Variants in JAK2 observed in about 807,000 individuals in gnomAD.
JAK2 encodes the protein tyrosine-protein kinase JAK2.
Under a neutral mutation model 139.3 loss-of-function variants are expected in JAK2, and 86 were observed. The observed-to-expected ratio is 0.62, with a 90% CI of 0.52 to 0.74. The LOEUF is 0.74. Among genes scored for constraint, JAK2 ranks in the 30% least tolerant of loss-of-function variants. The pLI, the probability that JAK2 is intolerant of heterozygous loss-of-function variation, is 0.00. For synonymous variants in JAK2, 490 were observed against 437.7 expected (o/e 1.12, Z -1.49); for missense variants, 1,421 against 1,360.3 (o/e 1.04, Z -0.70).
intron 22 of JAK2, chr9:5,108,256 C>A (rs1822137772): frequency 6.6e-6 from 1 of 152,046 alleles, no homozygotes; most frequent in Non-Finnish European, 1.5e-5. Flanking sequence ...TTCACAGCCA[C>A]AGAACTAATT....
In JAK2 at chr9:5,054,709, A is replaced by T. The variant is rs2130409127; in HGVS notation, c.761A>T (p.Tyr254Phe). Residue 254 changes from tyrosine (Y) to phenylalanine (F), a missense_variant, in exon 7 of 25, where the codon TAT (tyrosine) becomes TTT (phenylalanine). Tyr to Phe is a conservative substitution (Grantham distance 22). Transcript: ENST00000381652. The surrounding 1 kb of genome is among the most constrained non-coding windows in gnomAD (Gnocchi z 4.9). ...KATARNLKLK[Y>F]LINLETLQSA... ...ACTGCCAGAAACTTGAAACTTAAGT[A>T]TCTTATAAATCTGGAAACTCTGCAG... 1.9e-6 allele frequency: 3 copies of T among 1,613,388 alleles called. No homozygotes were observed. Among genetic ancestry groups the T allele is most frequent in the Non-Finnish European group, 2.5e-6 (3 of 1,179,456 alleles).
chr9:4,999,798 A>G lies in JAK2; in HGVS notation c.-26+13776A>G, dbSNP rs192640729. 2.9e-4 allele frequency among the ~76,000 whole-genome samples: 44 copies of G among 152,344 alleles called. 1 individual carries two copies. The highest frequency in any genetic ancestry group is 1.0e-3 in the African/African-American group (42 of 41,582). ...GTATTCTGTTGGCTAAGTTGCCACAATTTATCAGACCCCTTTAATGTCATT... is the reference window on the plus strand; with the variant it reads ...GTATTCTGTTGGCTAAGTTGCCACAGTTTATCAGACCCCTTTAATGTCATT... On this transcript the variant is annotated intron_variant, in intron 2 of 24. Coordinates refer to ENST00000381652, the MANE Select transcript of JAK2 (RefSeq NM_004972.4).
At chr9:5,035,251 A>C (rs1823491087) in intron 4 of JAK2, among the ~76,000 whole-genome samples, 1 of 152,258 alleles carries the variant, frequency 6.6e-6, no homozygotes, top group African/African-American at 2.4e-5. Context: ...ATAGTTTACC[A>C]ACCAAAAAAA....
At chr9:5,074,618 T>C (rs1301941040) in intron 14 of JAK2, among the ~76,000 whole-genome samples, 1 of 152,226 alleles carries the variant, frequency 6.6e-6, no homozygotes, top group African/African-American at 2.4e-5. Flanking sequence ...GCCATTCCTC[T>C]GTCTCTCTCC....
chr9:4,998,730 A>G (rs955045584), intron 2 of JAK2, among the ~76,000 whole-genome samples: 2 of 143,216 alleles, frequency 1.4e-5, no homozygotes, highest in Admixed American at 7.1e-5. Flanking sequence ...AAGACCAAAA[A>G]CCACAAAAAA....
chr9:5,054,313 A>C lies in JAK2; in HGVS notation c.615-250A>C, dbSNP rs547952638. Among the ~76,000 whole-genome samples, 64 of 152,184 alleles carry C rather than the reference A, an allele frequency of 4.2e-4. No homozygotes were observed. Among genetic ancestry groups the C allele is most frequent in the Non-Finnish European group, 7.1e-4 (48 of 67,918 alleles). ...ACTGAGGATTCATTTCATTAGGGGA[A>C]GAAGATTAACATCTTCTTTTGTAAA... On this transcript the variant is annotated intron_variant, in intron 6 of 24. Coordinates refer to ENST00000381652, the MANE Select transcript of JAK2 (RefSeq NM_004972.4). This position sits in a 1 kb window ranked among gnomAD's most constrained non-coding sequence, Gnocchi z 4.9.
chr9:5,041,363 A>G, intron 4 of JAK2: 1 of 629,194 alleles, frequency 1.6e-6, no homozygotes, highest in South Asian at 1.7e-5. Flanking sequence ...CATGAGCATC[A>G]ACATGCACCT....
intron 4 of JAK2, among the ~76,000 whole-genome samples, chr9:5,031,926 G>A (rs1823181648): frequency 1.3e-5 from 2 of 152,208 alleles, no homozygotes. Flanking sequence ...GACAGTGGGT[G>A]CAGCACACTG....
At chr9:5,121,374 A>G (rs566111262) in intron 22 of JAK2, among the ~76,000 whole-genome samples, 77 of 152,302 alleles carry the variant, frequency 5.1e-4, no homozygotes, top group Non-Finnish European at 8.7e-4. Context: ...TGACAGCACT[A>G]TTTGCCACAT....
chr9:5,068,208 A>T (rs192457170), intron 10 of JAK2, among the ~76,000 whole-genome samples: 13 of 152,096 alleles, frequency 8.5e-5, no homozygotes, highest in Admixed American at 7.9e-4. Context: ...GTTATTTGGC[A>T]TAGGAAGAAC....
intron 6 of JAK2, 106 bp downstream of exon 6, chr9:5,050,937 T>A (rs1817373259): frequency 1.1e-6 from 1 of 896,146 alleles, no homozygotes. Context: ...GTAATACTAG[T>A]TAAGTACTCC....
rs190952929 is a variant in JAK2 at position 5,011,326 on chromosome 9, C to T, written c.-25-10637C>T. ...TCAGCCTCCCAAGTAGCTGGGACTACGGGCACAGAGCACCATGCCCAGCAA... is the reference window on the plus strand; with the variant it reads ...TCAGCCTCCCAAGTAGCTGGGACTATGGGCACAGAGCACCATGCCCAGCAA... On this transcript the variant is annotated intron_variant, in intron 2 of 24. Transcript: ENST00000381652. Among the ~76,000 whole-genome samples the T allele has an allele frequency of 5.5e-4, 84 of 152,164 alleles. 1 individual carries two copies. In the Middle Eastern group the frequency reaches 0.014, roughly 25 times the overall value.
intron 4 of JAK2, among the ~76,000 whole-genome samples, chr9:5,036,548 A>C (rs1002828502): frequency 1.3e-5 from 2 of 152,218 alleles, no homozygotes; most frequent in Non-Finnish European, 2.9e-5. Flanking sequence ...AATGGAAAGA[A>C]ATAATGCTAC....
chr9:5,004,074 A>C (rs1354422326), intron 2 of JAK2, among the ~76,000 whole-genome samples: 2 of 152,188 alleles, frequency 1.3e-5, no homozygotes, highest in Non-Finnish European at 2.9e-5. Context: ...ATATGTATAC[A>C]TTGCAGAATG....
chr9:4,996,087 C>T (rs1820543545), intron 2 of JAK2, among the ~76,000 whole-genome samples: 1 of 152,158 alleles, frequency 6.6e-6, no homozygotes, highest in Admixed American at 6.6e-5. Flanking sequence ...GTTCATTTAA[C>T]ATTGAATTAT....
intron 3 of JAK2, among the ~76,000 whole-genome samples, chr9:5,025,260 A>G (rs1016268518): frequency 1.3e-5 from 2 of 152,054 alleles, no homozygotes; most frequent in Non-Finnish European, 2.9e-5. Flanking sequence ...TTTTCTATCT[A>G]TATTGGTGAG....
chr9:5,021,014 C>T (rs1323535298), intron 2 of JAK2, among the ~76,000 whole-genome samples: 1 of 152,284 alleles, frequency 6.6e-6, no homozygotes, highest in East Asian at 1.9e-4. Flanking sequence ...CCCTATGTTA[C>T]TCCCAGGGCC....
At chr9:5,110,981 T>C (rs1354316160) in intron 22 of JAK2, 4 of 630,872 alleles carry the variant, frequency 6.3e-6, no homozygotes, top group Non-Finnish European at 1.2e-5. Flanking sequence ...GACTTCAGCA[T>C]GATGTTCCCG....
At chr9:5,100,014 A>G (rs1821344273) in intron 22 of JAK2, 1 of 152,224 alleles carries the variant, frequency 6.6e-6, no homozygotes, top group Non-Finnish European at 1.5e-5. Flanking sequence ...TTATTCAACC[A>G]ATAGCATTAG....
Sources: gnomAD v4.1 joint callset for allele counts (sites outside exome capture counted in the v4.1 genomes callset) on GRCh38, gnomAD v4.1.1 for gene constraint, Gnocchi (gnomAD v3.1) non-coding constraint, MANE v1.5 for transcripts, NCBI Gene and HGNC (gene_info 2026-07-23, HGNC 2026-07-21) for gene names.